Variants in NME8 observed in about 807,000 individuals in gnomAD.
The protein encoded by NME8 is NME/NM23 family member 8, also known as protein NME8.
A neutral mutation model predicts 82.3 loss-of-function variants in NME8; 72 were observed. That is an observed-to-expected ratio of 0.87 (90% CI 0.72 to 1.06). The LOEUF (loss-of-function observed/expected upper bound fraction) is 1.06, where lower values mean the gene tolerates loss of function less well. Ranked by LOEUF, NME8 falls within the 50% of genes least tolerant of loss-of-function variation. NME8 has a pLI of 0.00. For missense variants in NME8, 712 were observed against 685.4 expected, an observed-to-expected ratio of 1.04 and a Z score of -0.43; for synonymous variants, 267 against 228.5, an observed-to-expected ratio of 1.17 and a Z score of -1.52.
In NME8 at chr7:37,891,696, G is replaced by T. The variant is rs1240359034; in HGVS notation, c.1400-2770G>T. 3.9e-5 allele frequency among the ~76,000 whole-genome samples: 6 copies of T among 151,918 alleles called. No homozygotes were observed. The East Asian group carries it at 7.7e-4, about 20-fold the overall frequency. On this transcript the variant is annotated intron_variant, in intron 15 of 17. Coordinates refer to ENST00000199447, the MANE Select transcript of NME8 (RefSeq NM_016616.5). ...TTCTGTTTCTGATTGGGCCAGTAAAGCCCCTTCCTCATCCTTCTTTTCTGC... is the reference window on the plus strand; with the variant it reads ...TTCTGTTTCTGATTGGGCCAGTAAATCCCCTTCCTCATCCTTCTTTTCTGC...
chr7:37,858,706 G>T (rs1784550425), intron 6 of NME8, among the ~76,000 whole-genome samples: 1 of 152,158 alleles, frequency 6.6e-6, no homozygotes, highest in Admixed American at 6.5e-5. Flanking sequence ...TGAGAGAAAA[G>T]ATTGGGCAGG....
At chr7:37,876,695 C>A in intron 11 of NME8, 137 bp from the exon 12 acceptor site, 1 of 652,088 alleles carries the variant, frequency 1.5e-6, no homozygotes, top group East Asian at 2.8e-5. Context: ...TAGGGAGATG[C>A]AATTTATCTT....
Position 37,865,531 on chromosome 7 carries a change from A to G in NME8, c.535A>G (p.Lys179Glu), listed in dbSNP as rs1353847229. ...CCTTACTCTCTAATTGAAGATTACCAAAGCTGGATTTATTATAGAAGCAGA... is the reference window on the plus strand; with the variant it reads ...CCTTACTCTCTAATTGAAGATTACCGAAGCTGGATTTATTATAGAAGCAGA... ...KVLEIKRKIT[K>E]AGFIIEAEHK... Residue 179 changes from lysine (K) to glutamate (E), a missense_variant, in exon 10 of 18, where the codon AAA becomes GAA. Coordinates refer to ENST00000199447, the MANE Select transcript of NME8 (RefSeq NM_016616.5). 1.2e-6 allele frequency: 2 copies of G among 1,610,490 alleles called. No individual in the cohort carries two copies. The highest frequency in any genetic ancestry group is 1.7e-6 in the Non-Finnish European group (2 of 1,176,810).
chr7:37,852,529 A>G (rs2131939155), intron 5 of NME8, among the ~76,000 whole-genome samples: 1 of 152,264 alleles, frequency 6.6e-6, no homozygotes, highest in South Asian at 2.1e-4. Context: ...ACCTCTGGCA[A>G]CCACCAATCT....
intron 17 of NME8, among the ~76,000 whole-genome samples, chr7:37,899,269 A>G (rs1043028960): frequency 2.0e-5 from 3 of 152,236 alleles, no homozygotes; most frequent in Non-Finnish European, 4.4e-5. Flanking sequence ...TAGCAAAGAT[A>G]TGGAATCAGT....
intron 11 of NME8, among the ~76,000 whole-genome samples, chr7:37,876,354 T>G (rs1011200929): frequency 6.6e-6 from 1 of 151,940 alleles, no homozygotes; most frequent in Non-Finnish European, 1.5e-5. Context: ...CCTCAACAAA[T>G]TTTTAATCAA....
chr7:37,876,701 AT>A, intron 11 of NME8, 130 bp from the exon 12 acceptor site: 1 of 683,240 alleles, frequency 1.5e-6, no homozygotes, highest in Non-Finnish European at 2.5e-6. Context: ...GATGCAATTT[AT>A]CTTTACATGA....
chr7:37,895,845 A>G (rs554359680), intron 16 of NME8, among the ~76,000 whole-genome samples: 90 of 152,318 alleles, frequency 5.9e-4, no homozygotes, highest in Non-Finnish European at 1.2e-3. Context: ...CAGTATAGTA[A>G]CATGCTATAC....
chr7:37,897,512 C>T (rs59976014), intron 17 of NME8, among the ~76,000 whole-genome samples: 2,127 of 152,278 alleles, frequency 0.014, 37 homozygotes, highest in African/African-American at 0.049. Context: ...TTCTTTTTAT[C>T]TTTATTTGTT....
At chr7:37,876,612 AT>A (rs1158972139) in intron 11 of NME8, among the ~76,000 whole-genome samples, 74 of 152,300 alleles carry the variant, frequency 4.9e-4, no homozygotes, top group Non-Finnish European at 8.4e-4. Context: ...TCAAACATAG[AT>A]AATATCATGT....
chr7:37,882,597 A>AAGAAAGAG (rs1554365622), intron 12 of NME8, among the ~76,000 whole-genome samples: 3,604 of 82,218 alleles, frequency 0.044, 84 homozygotes, highest in Non-Finnish European at 0.058. Flanking sequence ...GAAAGAAAGA[A>AAGAAAGAG]AGAGAGAGAG....
At position 37,867,748 on chromosome 7, in the gene NME8, A is replaced by G. The variant is rs200582084; in HGVS notation, c.668A>G (p.Tyr223Cys). The G allele has an allele frequency of 4.2e-5, 67 of 1,613,546 alleles. No homozygotes were observed. Among genetic ancestry groups the G allele is most frequent in the Non-Finnish European group, 5.3e-5 (62 of 1,179,652 alleles). The change falls in exon 11 of 18, where the codon TAT becomes TGT. Residue 223 changes from tyrosine to cysteine, a missense_variant. Tyr to Cys is a radical substitution (Grantham distance 194, BLOSUM62 -2). Coordinates refer to ENST00000199447, the MANE Select transcript of NME8 (RefSeq NM_016616.5). ...TCTTTTATGACAAGTGGCTTAAGCT[A>G]TATTCTAGTTGTATCTCAAGGAAGT... is the stretch of plus-strand genomic sequence containing the variant. ...FVSFMTSGLS[Y>C]ILVVSQGSKH...
chr7:37,873,833 C>T (rs984410854), intron 11 of NME8, among the ~76,000 whole-genome samples: 7 of 152,230 alleles, frequency 4.6e-5, no homozygotes, highest in South Asian at 2.1e-4. Flanking sequence ...TGGTACATGG[C>T]GCTGATAAAA....
At chr7:37,889,925 A>G (rs1280121865) in intron 15 of NME8, among the ~76,000 whole-genome samples, 3 of 151,640 alleles carry the variant, frequency 2.0e-5, no homozygotes, top group Non-Finnish European at 4.4e-5. Flanking sequence ...TGTTTTCAGT[A>G]TATTGTTGGC....
At chr7:37,876,526 T>A (rs1217840210) in intron 11 of NME8, among the ~76,000 whole-genome samples, 1 of 152,042 alleles carries the variant, frequency 6.6e-6, no homozygotes, top group African/African-American at 2.4e-5. Context: ...TCTGGAAAGT[T>A]CTACATAGGG....
At chr7:37,873,965 A>G (rs1026257796) in intron 11 of NME8, among the ~76,000 whole-genome samples, 3 of 152,194 alleles carry the variant, frequency 2.0e-5, no homozygotes, top group African/African-American at 7.2e-5. Context: ...CAAGGGAAAA[A>G]TACTTGACTG....
intron 12 of NME8, among the ~76,000 whole-genome samples, chr7:37,877,231 AT>A (rs1473058401): frequency 6.6e-6 from 1 of 152,206 alleles, no homozygotes; most frequent in Non-Finnish European, 1.5e-5. Context: ...GTTAGAGTAG[AT>A]TTTAACATTG....
intron 11 of NME8, among the ~76,000 whole-genome samples, chr7:37,868,481 A>G (rs138041092): frequency 6.6e-6 from 1 of 152,082 alleles, no homozygotes; most frequent in African/African-American, 2.4e-5. Flanking sequence ...AGGGAAGTCT[A>G]GTTACTTCTA....
chr7:37,898,575 A>G (rs144382390), intron 17 of NME8, among the ~76,000 whole-genome samples: 3 of 152,356 alleles, frequency 2.0e-5, no homozygotes, highest in Admixed American at 1.3e-4. Context: ...TGCAACATGG[A>G]TGAATCTCAA....
Sources: allele counts gnomAD v4.1 joint callset (sites outside exome capture counted in the v4.1 genomes callset), GRCh38; gene constraint gnomAD v4.1.1; transcripts MANE v1.5; gene names NCBI Gene and HGNC (gene_info 2026-07-23, HGNC 2026-07-21).